Variants in RUNX2 observed in about 807,000 individuals in gnomAD.
RUNX2 encodes RUNX family transcription factor 2.
A neutral mutation model predicts 51.7 loss-of-function variants in RUNX2; 10 were observed. That is an observed-to-expected ratio of 0.19 (90% CI 0.12 to 0.33). RUNX2 has a LOEUF of 0.33. Ranked by LOEUF, RUNX2 falls within the 10% of genes least tolerant of loss-of-function variation. The probability of loss-of-function intolerance (pLI) is 1.00; values close to 1 mark genes in which losing one functional copy is unlikely to be tolerated. For missense variants in RUNX2, 562 were observed against 691.3 expected, an observed-to-expected ratio of 0.81 and a Z score of 2.10; for synonymous variants, 276 against 273.6, an observed-to-expected ratio of 1.01 and a Z score of -0.09.
At chr6:45,544,179 G>A (rs1043939063) in intron 7 of RUNX2, among the ~76,000 whole-genome samples, 1 of 152,078 alleles carries the variant, frequency 6.6e-6, no homozygotes, top group East Asian at 1.9e-4. Context: ...ATGCCTAGAA[G>A]TGATTGGTTA....
chr6:45,546,897 C>A lies in RUNX2; in HGVS notation c.1158C>A (p.Arg386=). ...GCATTTCATCCCTCACTGAGAGCCG[C>A]TTCTCCAACCCACGAATGCACTATC... ...FPSISSLTES[R]FSNPRMHYPA... Residue 386 remains arginine, a synonymous_variant, in exon 9 of 9, where the codon CGC becomes CGA. Coordinates refer to ENST00000647337, the MANE Select transcript of RUNX2 (RefSeq NM_001024630.4). 6.2e-7 allele frequency: 1 copy of A among 1,614,064 alleles called. No individual in the cohort carries two copies. Among genetic ancestry groups the A allele is most frequent in the Non-Finnish European group, 8.5e-7 (1 of 1,180,020 alleles).
At chr6:45,529,645 T>C (rs955506066) in intron 7 of RUNX2, among the ~76,000 whole-genome samples, 1 of 151,992 alleles carries the variant, frequency 6.6e-6, no homozygotes, top group Non-Finnish European at 1.5e-5. Flanking sequence ...TAGAAGGGTA[T>C]AGTAAAAGAG....
chr6:45,352,251 G>C (rs2150195371), intron 2 of RUNX2, among the ~76,000 whole-genome samples: 1 of 152,186 alleles, frequency 6.6e-6, no homozygotes, highest in South Asian at 2.1e-4. Flanking sequence ...TTCAGCCTTA[G>C]AAAATACAAT....
chr6:45,500,238 A>G (rs1800766914), intron 6 of RUNX2, among the ~76,000 whole-genome samples: 1 of 152,170 alleles, frequency 6.6e-6, no homozygotes, highest in Admixed American at 6.5e-5. Context: ...GTTGGTGTAC[A>G]TTGACTGTGC....
chr6:45,422,439 G>A, intron 2 of RUNX2, 154 bp from the exon 3 acceptor site: 1 of 676,902 alleles, frequency 1.5e-6, no homozygotes, highest in South Asian at 1.7e-5. Flanking sequence ...CATCAAACTT[G>A]ATTTCTCACC....
At chr6:45,545,672 C>G (rs1326144825) in intron 8 of RUNX2, among the ~76,000 whole-genome samples, 1 of 152,072 alleles carries the variant, frequency 6.6e-6, no homozygotes, top group Non-Finnish European at 1.5e-5. Context: ...TCTGAATAAT[C>G]AAAATATTTT....
At position 45,455,066 on chromosome 6, in the gene RUNX2, A is replaced by T. The variant is rs190080129; in HGVS notation, c.685+17015A>T. ...GAGGTGGAGGCTGCAGTGAGCCGAG[A>T]TCGTGCCATTGCACTCCAGCCTGGG... On this transcript the variant is annotated intron_variant, in intron 5 of 8. Transcript: ENST00000647337. Among the ~76,000 whole-genome samples the T allele has an allele frequency of 6.4e-3, 969 of 152,330 alleles. 9 individuals carry two copies. Among genetic ancestry groups the T allele is most frequent in the African/African-American group, 0.022 (907 of 41,570 alleles).
chr6:45,544,692 T>G (rs1192368018), intron 7 of RUNX2, among the ~76,000 whole-genome samples: 1 of 152,222 alleles, frequency 6.6e-6, no homozygotes, highest in Non-Finnish European at 1.5e-5. Flanking sequence ...AGAAGTGCCC[T>G]GCCCATCGCT....
At chr6:45,542,686 G>A (rs1802267876) in intron 7 of RUNX2, among the ~76,000 whole-genome samples, 1 of 152,200 alleles carries the variant, frequency 6.6e-6, no homozygotes, top group Admixed American at 6.5e-5. Flanking sequence ...GTCAATTTAA[G>A]TATTTTGAGA....
Position 45,547,388 on chromosome 6 carries a change from A to G in RUNX2, c.*83A>G. 2.7e-6 allele frequency: 3 copies of G among 1,105,650 alleles called. No individual in the cohort carries two copies. Among genetic ancestry groups the G allele is most frequent in the Non-Finnish European group, 4.1e-6 (3 of 725,594 alleles). 68.5% of individuals were successfully genotyped at this position (1,105,650 alleles called of 1,614,324 possible). On this transcript the variant is annotated 3_prime_UTR_variant, in exon 9 of 9. Transcript: ENST00000647337. ...ATACATATATAGAGAGAGTGCATATATATGTATATCGATTAGCTATCTACA... is the reference window on the plus strand; with the variant it reads ...ATACATATATAGAGAGAGTGCATATGTATGTATATCGATTAGCTATCTACA...
intron 2 of RUNX2, among the ~76,000 whole-genome samples, chr6:45,379,243 G>GATCA (rs983580018): frequency 6.6e-6 from 1 of 152,130 alleles, no homozygotes; most frequent in African/African-American, 2.4e-5. Flanking sequence ...GTAAATCAGG[G>GATCA]ATCAATTCAT....
At chr6:45,544,342 A>G (rs888010052) in intron 7 of RUNX2, among the ~76,000 whole-genome samples, 1 of 152,226 alleles carries the variant, frequency 6.6e-6, no homozygotes, top group Non-Finnish European at 1.5e-5. Flanking sequence ...CAATAAAAAC[A>G]TCAGCAAAAT....
Position 45,328,654 on chromosome 6 carries a change from T to C in RUNX2, c.-66-7T>C. 2 of 1,611,110 alleles carry C rather than the reference T, an allele frequency of 1.2e-6. No individual in the cohort carries two copies. The highest frequency in any genetic ancestry group is 1.7e-6 in the Non-Finnish European group (2 of 1,177,958). On this transcript the variant is annotated splice_region_variant and splice_polypyrimidine_tract_variant and intron_variant, in intron 1 of 8. Transcript: ENST00000647337. ...AAACAAGGTTTGGGTATGGTTTGTA[T>C]TTTCAGTTTAAGGCTGCAAGCAGTA...
intron 6 of RUNX2, among the ~76,000 whole-genome samples, chr6:45,506,161 C>T (rs1415505703): frequency 6.6e-6 from 1 of 152,094 alleles, no homozygotes; most frequent in East Asian, 1.9e-4. Flanking sequence ...CTTTCTCGGC[C>T]CTGGGGACCC....
intron 6 of RUNX2, among the ~76,000 whole-genome samples, chr6:45,509,756 A>G (rs1801086388): frequency 6.6e-6 from 1 of 152,202 alleles, no homozygotes; most frequent in Non-Finnish European, 1.5e-5. Context: ...TCTTACATCC[A>G]GGTTGAGTAC....
intron 2 of RUNX2, among the ~76,000 whole-genome samples, chr6:45,384,927 C>A (rs1797319079): frequency 6.6e-6 from 1 of 151,878 alleles, no homozygotes; most frequent in African/African-American, 2.4e-5. Flanking sequence ...TGATCTCAAA[C>A]CCCTGGCCTC....
intron 2 of RUNX2, among the ~76,000 whole-genome samples, chr6:45,349,940 G>C (rs1396570402): frequency 6.6e-6 from 1 of 152,040 alleles, no homozygotes; most frequent in Non-Finnish European, 1.5e-5. Flanking sequence ...ATTGGGAAGT[G>C]ACTCAAATAA....
intron 2 of RUNX2, chr6:45,371,911 G>T (rs1796126417): frequency 1.1e-6 from 1 of 895,932 alleles, no homozygotes. Context: ...AGTCCAGAGG[G>T]GTTTCTTGAA....
chr6:45,348,259 C>T (rs1363457421), intron 2 of RUNX2, among the ~76,000 whole-genome samples: 1 of 151,888 alleles, frequency 6.6e-6, no homozygotes, highest in Non-Finnish European at 1.5e-5. Flanking sequence ...CCAGTTCTAC[C>T]ACTGAATAGC....
Sources: gnomAD v4.1 joint callset for allele counts (sites outside exome capture counted in the v4.1 genomes callset) on GRCh38, gnomAD v4.1.1 for gene constraint, MANE v1.5 for transcripts, NCBI Gene and HGNC (gene_info 2026-07-23, HGNC 2026-07-21) for gene names.